The following SHROOM4 variants were observed in gnomAD, a reference collection of about 807,000 sequenced individuals.
SHROOM4 encodes the protein protein Shroom4.
A neutral mutation model predicts 80.3 loss-of-function variants in SHROOM4; 17 were observed. That is an observed-to-expected ratio of 0.21 (90% CI 0.14 to 0.32). The LOEUF (loss-of-function observed/expected upper bound fraction) is 0.32. Ranked by LOEUF, SHROOM4 falls within the 10% of genes least tolerant of loss-of-function variation. The pLI is 1.00. For missense variants in SHROOM4, 993 were observed against 1,140.3 expected, an observed-to-expected ratio of 0.87 and a Z score of 1.86; for synonymous variants, 400 against 437.5, an observed-to-expected ratio of 0.91 and a Z score of 1.07.
intron 5 of SHROOM4, among the ~76,000 whole-genome samples, chrX:50,616,935 C>T (rs1221123327): frequency 1.8e-5 from 2 of 111,827 alleles, no homozygotes; most frequent in African/African-American, 3.3e-5. Flanking sequence ...CCTTCACCTC[C>T]GATGTAGATT....
intron 6 of SHROOM4, 108 bp from the exon 7 acceptor site, chrX:50,602,921 T>C: frequency 1.3e-6 from 1 of 766,605 alleles, no homozygotes; most frequent in East Asian, 3.4e-5. Flanking sequence ...CACCAAGGAG[T>C]TGAAAAAAAT....
chrX:50,780,683 C>G (rs190380787), intron 1 of SHROOM4, among the ~76,000 whole-genome samples: 3 of 111,585 alleles, frequency 2.7e-5, no homozygotes, highest in Non-Finnish European at 5.6e-5. Flanking sequence ...CAAATAGATC[C>G]AGATATTTCA....
rs376091501 is a variant in SHROOM4, at chrX:50,608,088, A to C, written c.3054T>G (p.Ile1018Met). Reference protein sequence around the residue: ...PALDLSSYRAISSLDLLGDFK... With the variant: ...PALDLSSYRAMSSLDLLGDFK... ...AGTCTCCAAGGAGGTCAAGAGAAGA[A>C]ATTGCTCGGTAGCTTGACAAGTCCA... is the stretch of plus-strand genomic sequence containing the variant. The change falls in exon 6 of 9, where the codon ATT becomes ATG. Residue 1018 changes from isoleucine to methionine, a missense_variant. Ile to Met is a conservative substitution (Grantham distance 10). Coordinates refer to ENST00000376020, the MANE Select transcript of SHROOM4 (RefSeq NM_020717.5). 5.8e-6 allele frequency: 7 copies of C among 1,209,594 alleles called. No homozygotes were observed. Among genetic ancestry groups the C allele is most frequent in the East Asian group, 3.0e-5 (1 of 33,738 alleles).
At chrX:50,686,267 T>C (rs1001248783) in intron 2 of SHROOM4, among the ~76,000 whole-genome samples, 2 of 110,438 alleles carry the variant, frequency 1.8e-5, no homozygotes, top group Non-Finnish European at 3.8e-5. Flanking sequence ...GATCTCCTGA[T>C]CTCGTGATCC....
In SHROOM4 at chrX:50,656,239, T is replaced by C. The variant is rs1602410699; in HGVS notation, c.270-17931A>G. Reference sequence around the variant, plus strand: ...TTACTCTGTGGATTGTTTCCTTGGCTGTACAGAAGCTTTTTAATTTGATGC... The same window carrying C: ...TTACTCTGTGGATTGTTTCCTTGGCCGTACAGAAGCTTTTTAATTTGATGC... On this transcript the variant is annotated intron_variant, in intron 2 of 8. Transcript: ENST00000376020. Among the ~76,000 whole-genome samples the C allele has an allele frequency of 2.7e-5, 3 of 112,065 alleles. No individual in the cohort carries two copies. The Admixed American group carries it at 2.9e-4, about 11-fold the overall frequency.
At chrX:50,663,381 T>C (rs1205852676) in intron 2 of SHROOM4, among the ~76,000 whole-genome samples, 12 of 111,637 alleles carry the variant, frequency 1.1e-4, no homozygotes, top group African/African-American at 3.6e-4. Flanking sequence ...CTTTGAAATA[T>C]CTTCACCTAT....
intron 1 of SHROOM4, among the ~76,000 whole-genome samples, chrX:50,746,979 A>G (rs1230842195): frequency 8.9e-6 from 1 of 112,319 alleles, no homozygotes; most frequent in Non-Finnish European, 1.9e-5. Flanking sequence ...TAGGTGGTAT[A>G]GAATTGTTAA....
intron 1 of SHROOM4, among the ~76,000 whole-genome samples, chrX:50,718,818 C>G (rs1331025133): frequency 9.0e-6 from 1 of 111,541 alleles, no homozygotes; most frequent in African/African-American, 3.3e-5. Context: ...TATAGATCTC[C>G]TTGGTTCCTA....
chrX:50,718,707 G>A (rs1481634769), intron 1 of SHROOM4, among the ~76,000 whole-genome samples: 1 of 111,591 alleles, frequency 9.0e-6, no homozygotes, highest in Admixed American at 9.5e-5. Context: ...ATGAAGTCAG[G>A]CAGATAAGTA....
In SHROOM4 at chrX:50,590,239, A is replaced by G. The variant is rs1928842835; in HGVS notation, c.*6456T>C. ...TTATAATGCCCTTATAAGAAGGGGA[A>G]GAGACCAGATCCCTTTCTTTTTTTT... On this transcript the variant is annotated 3_prime_UTR_variant, in exon 9 of 9. Transcript: ENST00000376020. 9.0e-6 allele frequency among the ~76,000 whole-genome samples: 1 copy of G among 110,811 alleles called. No individual in the cohort carries two copies. Among genetic ancestry groups the G allele is most frequent in the African/African-American group, 3.3e-5 (1 of 30,395 alleles).
chrX:50,747,525 A>C (rs1194148466), intron 1 of SHROOM4, among the ~76,000 whole-genome samples: 15 of 111,957 alleles, frequency 1.3e-4, no homozygotes, highest in African/African-American at 4.9e-4. Flanking sequence ...AAAAGTTCTG[A>C]CAAATAGCTA....
intron 2 of SHROOM4, among the ~76,000 whole-genome samples, chrX:50,658,413 T>C (rs112915805): frequency 9.0e-6 from 1 of 111,126 alleles, no homozygotes; most frequent in Non-Finnish European, 1.9e-5. Flanking sequence ...AATTCTCAAA[T>C]CTGCCCCTCC....
chrX:50,737,452 C>G (rs1035014894), intron 1 of SHROOM4, among the ~76,000 whole-genome samples: 12 of 111,507 alleles, frequency 1.1e-4, no homozygotes, highest in Non-Finnish European at 2.3e-4. Flanking sequence ...TGCATGCTAT[C>G]TACAAGACAC....
At chrX:50,679,111 T>C (rs1932893541) in intron 2 of SHROOM4, among the ~76,000 whole-genome samples, 1 of 111,604 alleles carries the variant, frequency 9.0e-6, no homozygotes, top group Non-Finnish European at 1.9e-5. Context: ...TTGGTTTCCA[T>C]GACACCACTC....
chrX:50,595,653 C>T lies in SHROOM4; in HGVS notation c.*1042G>A, dbSNP rs1340877025. 2.7e-5 allele frequency: 7 copies of T among 255,398 alleles called. No homozygotes were observed. In the East Asian group the frequency reaches 5.2e-4, roughly 19 times the overall value. The allele number at this position is 255,398 out of a possible 1,213,427, so 21.0% of individuals were successfully genotyped here. A position where few individuals can be genotyped will look rare whatever the true frequency, so the allele number is the denominator to read the frequency against. On this transcript the variant is annotated 3_prime_UTR_variant, in exon 9 of 9. Coordinates refer to ENST00000376020, the MANE Select transcript of SHROOM4 (RefSeq NM_020717.5). ...AAGGGGAAAACTCCTTCCTAGACAT[C>T]GGTAGCTATGGTGGGAACAATTCAA...
chrX:50,617,780 G>A (rs1930313310), intron 5 of SHROOM4, among the ~76,000 whole-genome samples: 1 of 110,546 alleles, frequency 9.0e-6, no homozygotes, highest in Non-Finnish European at 1.9e-5. Context: ...CTCTGCATCA[G>A]CCCTCATTTT....
chrX:50,674,445 C>G (rs1432456108), intron 2 of SHROOM4, among the ~76,000 whole-genome samples: 4 of 111,109 alleles, frequency 3.6e-5, no homozygotes, highest in African/African-American at 9.8e-5. Context: ...TTATTTTTGA[C>G]AAAGTTGCAA....
At chrX:50,701,385 G>A (rs193008686) in intron 1 of SHROOM4, among the ~76,000 whole-genome samples, 23 of 111,710 alleles carry the variant, frequency 2.1e-4, no homozygotes, top group Admixed American at 1.9e-3. Context: ...CAAACGTGAC[G>A]GCACAAGAGT....
chrX:50,688,879 C>A (rs1046712167), intron 2 of SHROOM4, among the ~76,000 whole-genome samples: 1 of 110,031 alleles, frequency 9.1e-6, no homozygotes, highest in Non-Finnish European at 1.9e-5. Context: ...TTCGTGGTCA[C>A]TTAAATTGGC....
Sources: allele counts gnomAD v4.1 joint callset (sites outside exome capture counted in the v4.1 genomes callset), GRCh38; gene constraint gnomAD v4.1.1; transcripts MANE v1.5; gene names NCBI Gene and HGNC (gene_info 2026-07-23, HGNC 2026-07-21).